MYO1E: variants seen among roughly 807,000 people sequenced by gnomAD.
MYO1E encodes myosin IE, also known as unconventional myosin-Ie.
In MYO1E, 68 loss-of-function variants were observed where a neutral mutation model predicts 151.1. The observed-to-expected ratio is 0.45, with a 90% CI of 0.37 to 0.55. The LOEUF (loss-of-function observed/expected upper bound fraction) is 0.55, where lower values mean the gene tolerates loss of function less well. Among genes scored for constraint, MYO1E ranks in the 20% least tolerant of loss-of-function variants. MYO1E has a pLI of 0.00. For missense variants in MYO1E, 1,363 were observed against 1,389.3 expected, an observed-to-expected ratio of 0.98 and a Z score of 0.30; for synonymous variants, 601 against 501.7, an observed-to-expected ratio of 1.20 and a Z score of -2.64.
chr15:59,266,787 G>C (rs1168804222), intron 2 of MYO1E: 1 of 150,726 alleles, frequency 6.6e-6, no homozygotes, highest in African/African-American at 2.4e-5. Context: ...TCAGCCTGCG[G>C]AGTAGCTGGG....
intron 1 of MYO1E, among the ~76,000 whole-genome samples, chr15:59,292,714 C>T (rs1333375241): frequency 6.6e-6 from 1 of 152,212 alleles, no homozygotes; most frequent in Non-Finnish European, 1.5e-5. Context: ...AAAATCTCAA[C>T]TGAACTGCGA....
At chr15:59,144,077 G>T (rs775108950) in intron 26 of MYO1E, among the ~76,000 whole-genome samples, 32 of 152,290 alleles carry the variant, frequency 2.1e-4, no homozygotes, top group Admixed American at 7.8e-4. Context: ...CTGTGTGCTG[G>T]GTTTGGGGCC....
chr15:59,305,220 G>C (rs2140406441), intron 1 of MYO1E, among the ~76,000 whole-genome samples: 1 of 152,242 alleles, frequency 6.6e-6, no homozygotes, highest in South Asian at 2.1e-4. Flanking sequence ...TCGAGATGGG[G>C]TTTCACTCTG....
rs138280696 is a variant in MYO1E at position 59,360,176 on chromosome 15, G to T, written c.3+12322C>A. On this transcript the variant is annotated intron_variant, in intron 1 of 27. Coordinates refer to ENST00000288235, the MANE Select transcript of MYO1E (RefSeq NM_004998.4). ...ACAGAAAGTCAAAGTGAAAGATCAG[G>T]AGGTCAAGGAATTTTTCACGTCCTG... is the stretch of plus-strand genomic sequence containing the variant. Among the ~76,000 whole-genome samples the T allele has an allele frequency of 9.0e-4, 137 of 152,236 alleles. 1 individual carries two copies. Among genetic ancestry groups the T allele is most frequent in the African/African-American group, 2.9e-3 (122 of 41,548 alleles).
At chr15:59,204,652 T>TC (rs1415343947) in intron 15 of MYO1E, among the ~76,000 whole-genome samples, 1 of 152,138 alleles carries the variant, frequency 6.6e-6, no homozygotes, top group African/African-American at 2.4e-5. Flanking sequence ...GGGGATACCC[T>TC]CCCTCTTCTA....
intron 16 of MYO1E, among the ~76,000 whole-genome samples, chr15:59,200,878 T>C (rs2079797313): frequency 6.6e-6 from 1 of 151,848 alleles, no homozygotes; most frequent in Non-Finnish European, 1.5e-5. Context: ...AGAGCGTAAG[T>C]AACACCTTGG....
intron 1 of MYO1E, among the ~76,000 whole-genome samples, chr15:59,327,665 T>G (rs537550251): frequency 6.6e-6 from 1 of 152,088 alleles, no homozygotes; most frequent in Admixed American, 6.5e-5. Flanking sequence ...CAGGAGGGTA[T>G]AGTGGGATGG....
intron 26 of MYO1E, among the ~76,000 whole-genome samples, chr15:59,143,752 C>G (rs1219071446): frequency 5.9e-5 from 9 of 152,184 alleles, no homozygotes; most frequent in African/African-American, 1.9e-4. Flanking sequence ...TGGTGGCACA[C>G]GCCTAAGGCT....
Position 59,163,212 on chromosome 15 carries a change from C to G in MYO1E, c.2572G>C (p.Ala858Pro). 1 of 1,614,136 alleles carries G rather than the reference C, an allele frequency of 6.2e-7. No homozygotes were observed. The highest frequency in any genetic ancestry group is 2.2e-5 in the East Asian group (1 of 44,884). ...VFKTEFLSLL[A>P]KRYEEKTQKQ... ...TGGGTCTTCTCCTCGTAACGCTTTGCTAAGAGGCTTAGGAATTCAGTTTTG... is the reference window on the plus strand; with the variant it reads ...TGGGTCTTCTCCTCGTAACGCTTTGGTAAGAGGCTTAGGAATTCAGTTTTG... The change falls in exon 23 of 28, where the codon GCA becomes CCA. Residue 858 changes from alanine to proline, a missense_variant. By Grantham distance (27) the Ala-to-Pro change is conservative. Coordinates refer to ENST00000288235, the MANE Select transcript of MYO1E (RefSeq NM_004998.4).
chr15:59,170,597 AC>A (rs200452502), intron 22 of MYO1E, among the ~76,000 whole-genome samples: 175 of 150,594 alleles, frequency 1.2e-3, no homozygotes, highest in East Asian at 1.4e-3. Flanking sequence ...TAAAAAAAAA[AC>A]AAAAAAAACA....
chr15:59,322,933 G>C lies in MYO1E; in HGVS notation c.3+49565C>G, dbSNP rs375778527. The stretch of plus-strand genomic sequence containing the variant: ...TTCCAGCACTTTGGGAGGACGAGGT[G>C]GGCGGATCACGAGGTCAGGAGATCA... On this transcript the variant is annotated intron_variant, in intron 1 of 27. Coordinates refer to ENST00000288235, the MANE Select transcript of MYO1E (RefSeq NM_004998.4). Among the ~76,000 whole-genome samples the C allele has an allele frequency of 4.3e-4, 65 of 151,878 alleles. 2 individuals carry two copies. The South Asian group carries it at 7.7e-3, about 18-fold the overall frequency.
chr15:59,236,352 GAAA>G lies in MYO1E; in HGVS notation c.420+230_420+232del, dbSNP rs57488716. Among the ~76,000 whole-genome samples, 274 of 116,720 alleles carry G rather than the reference GAAA, an allele frequency of 2.3e-3. 7 individuals carry two copies. The highest frequency in any genetic ancestry group is 7.3e-3 in the African/African-American group (221 of 30,342). The allele number at this position is 116,720 out of a possible 152,430, so 76.6% of individuals were successfully genotyped here. On this transcript the variant is annotated intron_variant, in intron 5 of 27. Coordinates refer to ENST00000288235, the MANE Select transcript of MYO1E (RefSeq NM_004998.4). ...CAGAGCAAGACTCTGTCTCAAAAAAGAAAAAAAAAAAATATATACACACACACA... is the reference window on the plus strand; with the variant it reads ...CAGAGCAAGACTCTGTCTCAAAAAAGAAAAAAAAATATATACACACACACA...
In MYO1E at chr15:59,173,809, G is replaced by C. The variant is rs766943152; in HGVS notation, c.2271C>G (p.Phe757Leu). The change falls in exon 21 of 28, where the codon TTC (phenylalanine) becomes TTG (leucine). Residue 757 changes from phenylalanine (F) to leucine (L), a missense_variant. Phe to Leu is a conservative substitution (Grantham distance 22). Coordinates refer to ENST00000288235, the MANE Select transcript of MYO1E (RefSeq NM_004998.4). ...AATCAATCTTCTCCCTCTTGCCCAC[G>C]AACTGCTGGAGTTCTGGGTGCTCTT... ...GMEEHPELQQ[F>L]VGKREKIDFA... The C allele has an allele frequency of 1.2e-6, 2 of 1,613,980 alleles. No individual in the cohort carries two copies. The highest frequency in any genetic ancestry group is 3.3e-5 in the Admixed American group (2 of 60,006).
chr15:59,295,403 A>G lies in MYO1E; in HGVS notation c.4-22954T>C, dbSNP rs565740600. The stretch of plus-strand genomic sequence containing the variant: ...TAGAAAGGCGGATTTGTGTTGAGGA[A>G]ACGGTAGCCTCGGTTAAGTAGGAAA... On this transcript the variant is annotated intron_variant, in intron 1 of 27. Transcript: ENST00000288235. 1.8e-4 allele frequency among the ~76,000 whole-genome samples: 27 copies of G among 152,242 alleles called. No homozygotes were observed. In the South Asian group the frequency reaches 5.4e-3, roughly 30 times the overall value.
chr15:59,345,655 A>C (rs1219571354), intron 1 of MYO1E, among the ~76,000 whole-genome samples: 1 of 152,244 alleles, frequency 6.6e-6, no homozygotes, highest in African/African-American at 2.4e-5. Flanking sequence ...AAGACAGGGA[A>C]ATGCAAAGAG....
At chr15:59,360,993 G>A (rs1408778815) in intron 1 of MYO1E, among the ~76,000 whole-genome samples, 1 of 152,238 alleles carries the variant, frequency 6.6e-6, no homozygotes, top group Non-Finnish European at 1.5e-5. Flanking sequence ...CATGACGCAA[G>A]CAAGGGTTGA....
At chr15:59,231,812 G>C (rs1299839496) in intron 5 of MYO1E, 21 bp from the exon 6 acceptor site, 2 of 1,613,418 alleles carry the variant, frequency 1.2e-6, no homozygotes, top group Middle Eastern at 1.6e-4. Context: ...AAATAGACCG[G>C]AGGTTAGGAA....
intron 1 of MYO1E, among the ~76,000 whole-genome samples, chr15:59,281,186 T>C (rs925001476): frequency 6.6e-6 from 1 of 152,210 alleles, no homozygotes; most frequent in Non-Finnish European, 1.5e-5. Flanking sequence ...AGCAGAAAGG[T>C]GTCCCACCCT....
chr15:59,323,168 CAAA>C (rs10569332), intron 1 of MYO1E, among the ~76,000 whole-genome samples: 13,883 of 63,176 alleles, frequency 0.22, 262 homozygotes, highest in African/African-American at 0.3. Flanking sequence ...GACCCCATCA[CAAA>C]AAAAAAAAAA....
Sources: gnomAD v4.1 joint callset for allele counts (sites outside exome capture counted in the v4.1 genomes callset) on GRCh38, gnomAD v4.1.1 for gene constraint, MANE v1.5 for transcripts, NCBI Gene and HGNC (gene_info 2026-07-23, HGNC 2026-07-21) for gene names.